The following MGAM variants were observed in gnomAD, a reference collection of about 807,000 sequenced individuals.
MGAM encodes the protein maltase-glucoamylase.
Under a neutral mutation model 358.8 loss-of-function variants are expected in MGAM, and 253 were observed. The ratio of observed to expected loss-of-function variants is 0.71; its 90% CI spans 0.64 to 0.78. MGAM has a LOEUF of 0.78. Among genes scored for constraint, MGAM ranks in the 30% least tolerant of loss-of-function variants. MGAM has a pLI of 0.00. For synonymous variants in MGAM, 1,105 were observed against 1,227.1 expected (o/e 0.90, Z 2.08); for missense variants, 3,080 against 3,432.6 (o/e 0.90, Z 2.57).
chr7:142,001,765 GGGTGT>G (rs1804758072), intron 1 of MGAM, among the ~76,000 whole-genome samples: 1 of 152,268 alleles, frequency 6.6e-6, no homozygotes, highest in Admixed American at 6.5e-5. Flanking sequence ...ACACCAAGTC[GGGTGT>G]GGTGACACAC....
chr7:142,067,986 ATTTT>A (rs71913806), intron 42 of MGAM, among the ~76,000 whole-genome samples: 1 of 8,690 alleles, frequency 1.2e-4, no homozygotes. Context: ...ATATATATAT[ATTTT>A]TTTTTTTTTT....
Position 142,074,182 on chromosome 7 carries a change from T to C in MGAM, c.5275+9T>C. On this transcript the variant is annotated intron_variant, in intron 45 of 70. Coordinates refer to ENST00000475668, the MANE Select transcript of MGAM (RefSeq NM_001365693.1). ...TGATGGGCAAACAAAGGGTGAGCGC[T>C]GTTACAATAATGTTGCTGTTTCCCA... The C allele has an allele frequency of 6.6e-7, 1 of 1,507,028 alleles. No individual in the cohort carries two copies. The highest frequency in any genetic ancestry group is 1.1e-5 in the South Asian group (1 of 87,464). 93.4% of individuals were successfully genotyped at this position (1,507,028 alleles called of 1,614,324 possible). A position where few individuals can be genotyped will look rare whatever the true frequency, so the allele number is the denominator to read the frequency against.
intron 26 of MGAM, 25 bp from the exon 27 acceptor site, chr7:142,054,729 C>A: frequency 6.2e-7 from 1 of 1,612,738 alleles, no homozygotes; most frequent in East Asian, 2.2e-5. Flanking sequence ...GTATTGTTGC[C>A]TAAAATTGAT....
At chr7:142,062,017 T>C (rs1299390964) in intron 34 of MGAM, among the ~76,000 whole-genome samples, 1 of 152,228 alleles carries the variant, frequency 6.6e-6, no homozygotes, top group Admixed American at 6.5e-5. Flanking sequence ...ATGCATCCTC[T>C]TTAAGTCCTC....
intron 21 of MGAM, among the ~76,000 whole-genome samples, chr7:142,045,055 A>G (rs180738288): frequency 0.074 from 7,320 of 98,884 alleles, 2,087 homozygotes; most frequent in African/African-American, 0.27. Flanking sequence ...GATATATAAT[A>G]TGTATATTAT....
Position 142,093,548 on chromosome 7 carries a change from C to A in MGAM, c.7170C>A (p.Tyr2390Ter). ...GGTGGTCCCAGACCAGACCCACATA[C>A]GAGTGAGTCTCTGTCTCCCTTCTCC... is the stretch of plus-strand genomic sequence containing the variant. ...LYGWSQTRPT[Y>*]EAVQEVTGQR... Residue 2390 changes from tyrosine (Y) to a stop codon, truncating the protein, a stop_gained and splice_region_variant, in exon 60 of 71, where the codon TAC becomes TAA. Transcript: ENST00000475668. LOFTEE classifies it high-confidence loss of function. The A allele has an allele frequency of 2.0e-6, 3 of 1,498,810 alleles. 1 individual carries two copies. The highest frequency in any genetic ancestry group is 1.2e-5 in the South Asian group (1 of 82,504). 92.8% of individuals were successfully genotyped at this position (1,498,810 alleles called of 1,614,324 possible).
At chr7:142,031,874 C>A (rs1807530919) in intron 13 of MGAM, 81 bp downstream of exon 13, 2 of 939,942 alleles carry the variant, frequency 2.1e-6, no homozygotes, top group Non-Finnish European at 3.4e-6. Flanking sequence ...AGTCACAGAG[C>A]ATAGGGAGAG....
In MGAM at chr7:142,089,045, G is replaced by A. The variant is rs1815122969; in HGVS notation, c.6810+2328G>A. Reference sequence around the variant, plus strand: ...CTATCTATCTATCTATACTGTTCAAGGGAGAAGACCTAGCTTCCTGTCCTC... The same window carrying A: ...CTATCTATCTATCTATACTGTTCAAAGGAGAAGACCTAGCTTCCTGTCCTC... On this transcript the variant is annotated intron_variant, in intron 57 of 70. Coordinates refer to ENST00000475668, the MANE Select transcript of MGAM (RefSeq NM_001365693.1). 1.5e-5 allele frequency among the ~76,000 whole-genome samples: 2 copies of A among 130,382 alleles called. 1 individual carries two copies. The highest frequency in any genetic ancestry group is 3.3e-5 in the Non-Finnish European group (2 of 60,628). 85.5% of individuals were successfully genotyped at this position (130,382 alleles called of 152,430 possible). A position where few individuals can be genotyped will look rare whatever the true frequency, so the allele number is the denominator to read the frequency against.
rs1211200621 is a variant in MGAM at position 142,084,591 on chromosome 7, G to A, written c.6454G>A (p.Asp2152Asn). The A allele has an allele frequency of 6.4e-6, 10 of 1,556,272 alleles. No individual in the cohort carries two copies. Among genetic ancestry groups the A allele is most frequent in the East Asian group, 2.3e-5 (1 of 43,976 alleles). The change falls in exon 54 of 71, where the codon GAC becomes AAC. Residue 2152 changes from aspartate to asparagine, a missense_variant. Transcript: ENST00000475668. ...FQLCRYGYQN[D>N]SEISSLYDEM... ...GCTGTGTCGCTATGGCTACCAGAAC[G>A]ACTCTGAGATCTCCAGCTTGTATGA...
intron 3 of MGAM, among the ~76,000 whole-genome samples, chr7:142,015,175 G>C (rs1554455643): frequency 6.6e-6 from 1 of 151,940 alleles, no homozygotes; most frequent in Non-Finnish European, 1.5e-5. Context: ...CTCTCATTTA[G>C]TTCTTTTCTG....
chr7:142,042,043 AATATATAAT>A (rs1808822441), intron 21 of MGAM, among the ~76,000 whole-genome samples: 1 of 42,820 alleles, frequency 2.3e-5, no homozygotes, highest in African/African-American at 1.4e-4. Flanking sequence ...ATATACATAT[AATATATAAT>A]ATATATACAT....
upstream of MGAM, among the ~76,000 whole-genome samples, chr7:141,991,146 C>T (rs1279134904): frequency 6.6e-6 from 1 of 152,144 alleles, no homozygotes; most frequent in Non-Finnish European, 1.5e-5. Context: ...ATAACAGTAC[C>T]GACTGCATAG....
intron 10 of MGAM, 63 bp downstream of exon 10, chr7:142,027,798 T>G: frequency 7.0e-7 from 1 of 1,424,342 alleles, no homozygotes. Context: ...AAAGAAAAAC[T>G]GTTTATATTT....
chr7:142,072,852 T>A (rs1813452465), intron 44 of MGAM, among the ~76,000 whole-genome samples: 1 of 146,470 alleles, frequency 6.8e-6, no homozygotes, highest in African/African-American at 2.4e-5. Context: ...AATAGCCCAA[T>A]TTTAACCTTG....
At chr7:141,988,741 T>C (rs1554446731) in intron 2 of MGAM, among the ~76,000 whole-genome samples, 1 of 152,214 alleles carries the variant, frequency 6.6e-6, no homozygotes. Context: ...TGTGTGTGCA[T>C]GTGTTCTTAT....
In MGAM at chr7:142,032,350, G is replaced by A. The variant is rs569052689; in HGVS notation, c.1585-475G>A. On this transcript the variant is annotated intron_variant, in intron 13 of 70. Transcript: ENST00000475668. ...GTAGAAAATTCAAACAATACAGAGA[G>A]TTAAAAAGATAAAAGCAAAAATCCT... Among the ~76,000 whole-genome samples the A allele has an allele frequency of 6.6e-5, 10 of 151,982 alleles. No homozygotes were observed. The South Asian group carries it at 2.1e-3, about 32-fold the overall frequency.
In MGAM at chr7:142,090,543, C is replaced by T. The variant is rs1429302486; in HGVS notation, c.6811-1370C>T. On this transcript the variant is annotated intron_variant, in intron 57 of 70. Transcript: ENST00000475668. ...TCTTCTCACATCCTTGACAGCCAGA[C>T]CCATGTAGGCTGGTCTGTTTCTGTT... Among the ~76,000 whole-genome samples the T allele has an allele frequency of 2.1e-5, 3 of 145,970 alleles. 1 individual carries two copies. The highest frequency in any genetic ancestry group is 7.3e-5 in the African/African-American group (3 of 41,072).
At position 142,052,436 on chromosome 7, in the gene MGAM, G is replaced by GT; in HGVS notation, c.2949dup (p.Ile984TyrfsTer24). On this transcript the variant is annotated frameshift_variant, in exon 25 of 71. Transcript: ENST00000475668. LOFTEE classifies it high-confidence loss of function. ...GCCGAAAACTGCACTGCCCGTGGCT[G>GT]TATCTGGGAGGTAACCATGCTGATG... 5 of 1,613,314 alleles carry GT rather than the reference G, an allele frequency of 3.1e-6. No individual in the cohort carries two copies. The highest frequency in any genetic ancestry group is 4.2e-6 in the Non-Finnish European group (5 of 1,179,682).
At chr7:142,061,326 TG>T (rs1812179560) in intron 34 of MGAM, among the ~76,000 whole-genome samples, 1 of 151,372 alleles carries the variant, frequency 6.6e-6, no homozygotes, top group Non-Finnish European at 1.5e-5. Context: ...TTTCTAACCC[TG>T]CCTGATCTGG....
Sources: gnomAD v4.1 joint callset for allele counts (sites outside exome capture counted in the v4.1 genomes callset) on GRCh38, gnomAD v4.1.1 for gene constraint, MANE v1.5 for transcripts, NCBI Gene and HGNC (gene_info 2026-07-23, HGNC 2026-07-21) for gene names.